Variants in ITGAE observed in about 807,000 individuals in gnomAD.
ITGAE encodes the protein integrin alpha-E.
ITGAE carries 99 observed loss-of-function variants against 136.5 expected under a neutral mutation model. The ratio of observed to expected loss-of-function variants is 0.73; its 90% CI spans 0.62 to 0.86. The LOEUF is 0.86. ITGAE is among the 40% of genes least tolerant of loss of function. ITGAE has a pLI of 0.00. For synonymous variants in ITGAE, 613 were observed against 591.8 expected (o/e 1.04, Z -0.52); for missense variants, 1,447 against 1,515.3 (o/e 0.95, Z 0.75).
In ITGAE at chr17:3,755,205, G is replaced by A. The variant is rs760523237; in HGVS notation, c.1296C>T (p.Leu432=). The change falls in exon 12 of 31, where the codon CTC becomes CTT. Residue 432 remains leucine (L), a synonymous_variant. Transcript: ENST00000263087. ...GGCCCCGGCGGCTGCGTGTGTCGTA[G>A]AGCAACGCCCCTCCGGACCAGTCAA... is the stretch of plus-strand genomic sequence containing the variant. The part of the protein sequence containing the change: ...GAFDWSGGAL[L]YDTRSRRGRF... The A allele has an allele frequency of 6.4e-7, 1 of 1,568,066 alleles. No individual in the cohort carries two copies. The highest frequency in any genetic ancestry group is 1.1e-5 in the South Asian group (1 of 87,708).
chr17:3,771,096 TAAAA>T lies in ITGAE; in HGVS notation c.155+6440_155+6443del, dbSNP rs36098243. On this transcript the variant is annotated intron_variant, in intron 2 of 30. Coordinates refer to ENST00000263087, the MANE Select transcript of ITGAE (RefSeq NM_002208.5). ...TTCTTTGGGATCAACTCTGAGGGAT[TAAAA>T]AAAAAAAAGAACATTCATCCATCAA... is the stretch of plus-strand genomic sequence containing the variant. 4.1e-5 allele frequency among the ~76,000 whole-genome samples: 6 copies of T among 144,832 alleles called. No individual in the cohort carries two copies. The South Asian group carries it at 1.3e-3, about 32-fold the overall frequency.
chr17:3,729,172 C>T (rs1336505257), intron 24 of ITGAE, among the ~76,000 whole-genome samples: 1 of 152,126 alleles, frequency 6.6e-6, no homozygotes, highest in African/African-American at 2.4e-5. Flanking sequence ...CTCAAATGGC[C>T]TTACTCATCC....
chr17:3,759,632 C>G, intron 7 of ITGAE, 79 bp from the exon 8 acceptor site: 1 of 1,511,266 alleles, frequency 6.6e-7, no homozygotes, highest in African/African-American at 1.4e-5. Context: ...CTGGAAGCAG[C>G]AGAAAAATCC....
intron 2 of ITGAE, among the ~76,000 whole-genome samples, chr17:3,764,419 G>A (rs746652784): frequency 2.0e-5 from 3 of 152,332 alleles, no homozygotes; most frequent in South Asian, 2.1e-4. Flanking sequence ...TTTGGAGGCC[G>A]GGCGCGGCGG....
In ITGAE at chr17:3,757,047, T is replaced by C; in HGVS notation, c.1108A>G (p.Thr370Ala). The C allele has an allele frequency of 1.2e-6, 2 of 1,614,182 alleles. No individual in the cohort carries two copies. Among genetic ancestry groups the C allele is most frequent in the Non-Finnish European group, 1.7e-6 (2 of 1,180,034 alleles). Residue 370 changes from threonine (T) to alanine (A), a missense_variant, in exon 10 of 31, where the codon ACC becomes GCC. By Grantham distance (58) the Thr-to-Ala change is moderately conservative. Coordinates refer to ENST00000263087, the MANE Select transcript of ITGAE (RefSeq NM_002208.5). ...DPDETHAFKV[T>A]NYMALDGLLS... is the part of the protein sequence containing the mutation. ...AGCCCATCCAGCGCCATGTAGTTGG[T>C]CACCTTGAAAGCATGGGTCTCATCC... is the stretch of plus-strand genomic sequence containing the variant.
At chr17:3,746,052 T>C (rs1333053326) in intron 17 of ITGAE, 125 bp from the exon 18 acceptor site, 4 of 824,748 alleles carry the variant, frequency 4.8e-6, no homozygotes, top group Non-Finnish European at 5.6e-6. Context: ...GGTACTTCCC[T>C]GCGGCTGGAC....
At chr17:3,758,694 C>T (rs1370976328) in intron 8 of ITGAE, among the ~76,000 whole-genome samples, 4 of 151,680 alleles carry the variant, frequency 2.6e-5, no homozygotes, top group Non-Finnish European at 5.9e-5. Flanking sequence ...TCAGGTGATC[C>T]ACCTGTGTTG....
In ITGAE at chr17:3,724,465, C is replaced by T. The variant is rs555488588; in HGVS notation, c.3085-721G>A. 4.0e-5 allele frequency: 65 copies of T among 1,613,872 alleles called. 1 individual carries two copies. The South Asian group carries it at 6.4e-4, about 16-fold the overall frequency. ...TTCAGCTCTCTGGCCTCGCCCTGCC[C>T]CGGGTCCCCAACGCCAAGGGACAGT... On this transcript the variant is annotated intron_variant, in intron 26 of 30. Transcript: ENST00000263087.
chr17:3,742,981 T>G, intron 19 of ITGAE, among the ~76,000 whole-genome samples: 1 of 152,252 alleles, frequency 6.6e-6, no homozygotes, highest in East Asian at 1.9e-4. Flanking sequence ...ACTACCCGCC[T>G]GTCTAAGCTG....
At chr17:3,800,694 G>A (rs2053234998) in intron 1 of ITGAE, among the ~76,000 whole-genome samples, 1 of 152,172 alleles carries the variant, frequency 6.6e-6, no homozygotes, top group Non-Finnish European at 1.5e-5. Flanking sequence ...CTCTCACAGG[G>A]TCCTCACCCT....
At chr17:3,780,512 A>AG (rs2052643237) in intron 1 of ITGAE, among the ~76,000 whole-genome samples, 1 of 135,986 alleles carries the variant, frequency 7.4e-6, no homozygotes, top group African/African-American at 2.8e-5. Flanking sequence ...TGGTCAGGCT[A>AG]GTTTCGAACT....
intron 1 of ITGAE, among the ~76,000 whole-genome samples, chr17:3,786,595 T>C (rs190640810): frequency 1.7e-4 from 26 of 152,210 alleles, no homozygotes; most frequent in African/African-American, 5.5e-4. Context: ...CAGGGAATTA[T>C]AAAAAGCATA....
intron 26 of ITGAE, chr17:3,725,036 C>G: frequency 1.2e-6 from 2 of 1,614,192 alleles, no homozygotes; most frequent in Non-Finnish European, 1.7e-6. Flanking sequence ...AAGATTCGTT[C>G]CCCACCCAGG....
intron 14 of ITGAE, among the ~76,000 whole-genome samples, 167 bp from the exon 15 acceptor site, chr17:3,752,041 C>T (rs542234155): frequency 5.7e-4 from 86 of 151,750 alleles, no homozygotes; most frequent in African/African-American, 2.0e-3. Context: ...CCAGGATGCA[C>T]GCTCACTGGG....
intron 1 of ITGAE, among the ~76,000 whole-genome samples, chr17:3,778,333 C>T (rs538935553): frequency 4.6e-4 from 70 of 152,230 alleles, no homozygotes; most frequent in African/African-American, 1.5e-3. Context: ...GAGGCCGAGG[C>T]GGCTGGATCA....
At chr17:3,715,991 C>T (rs1266876750) in intron 30 of ITGAE, among the ~76,000 whole-genome samples, 1 of 151,924 alleles carries the variant, frequency 6.6e-6, no homozygotes, top group Non-Finnish European at 1.5e-5. Context: ...CCCGTCTCTA[C>T]TAAAAATACA....
chr17:3,734,151 A>G (rs548801141), intron 21 of ITGAE, among the ~76,000 whole-genome samples: 1 of 152,282 alleles, frequency 6.6e-6, no homozygotes, highest in South Asian at 2.1e-4. Context: ...GCTCACTGCA[A>G]GCTCCGCCTC....
chr17:3,734,352 T>C (rs965936736), intron 21 of ITGAE, among the ~76,000 whole-genome samples: 13 of 152,284 alleles, frequency 8.5e-5, no homozygotes, highest in Non-Finnish European at 1.6e-4. Context: ...GGATTACAGG[T>C]GTGAGCCACC....
chr17:3,723,617 G>A, intron 27 of ITGAE, 71 bp downstream of exon 27: 1 of 1,431,336 alleles, frequency 7.0e-7, no homozygotes. Flanking sequence ...AGGAAAAACA[G>A]TCTCCTGGCC....
Sources: gnomAD v4.1 joint callset for allele counts (sites outside exome capture counted in the v4.1 genomes callset) on GRCh38, gnomAD v4.1.1 for gene constraint, MANE v1.5 for transcripts, NCBI Gene and HGNC (gene_info 2026-07-23, HGNC 2026-07-21) for gene names.